PCCA: variants seen among roughly 807,000 people sequenced by gnomAD.
The protein encoded by PCCA is propionyl-CoA carboxylase alpha chain, mitochondrial.
In PCCA, 74 loss-of-function variants were observed where a neutral mutation model predicts 101.3. The ratio of observed to expected loss-of-function variants is 0.73; its 90% CI spans 0.61 to 0.89. PCCA has a LOEUF of 0.89. PCCA is among the 40% of genes least tolerant of loss of function. PCCA has a pLI of 0.00. For synonymous variants in PCCA, 294 were observed against 313.6 expected (o/e 0.94, Z 0.66); for missense variants, 891 against 907.0 (o/e 0.98, Z 0.23).
chr13:100,204,718 T>A (rs775725312), intron 6 of PCCA, among the ~76,000 whole-genome samples: 11 of 152,204 alleles, frequency 7.2e-5, no homozygotes, highest in Non-Finnish European at 1.3e-4. Flanking sequence ...TTAAAATTTG[T>A]CCAGAACCAT....
In PCCA at chr13:100,524,902, A is replaced by G. The variant is rs144014306; in HGVS notation, c.2041-2773A>G. 2.5e-3 allele frequency among the ~76,000 whole-genome samples: 379 copies of G among 152,238 alleles called. 3 individuals are homozygous for G. The highest frequency in any genetic ancestry group is 8.7e-3 in the African/African-American group (360 of 41,522). ...TAGATAGATAGATTAGATAGATTAGATTAGATTACATAAGATAGATAGATA... is the reference window on the plus strand; with the variant it reads ...TAGATAGATAGATTAGATAGATTAGGTTAGATTACATAAGATAGATAGATA... On this transcript the variant is annotated intron_variant, in intron 22 of 23. Coordinates refer to ENST00000376285, the MANE Select transcript of PCCA (RefSeq NM_000282.4).
At chr13:100,230,253 A>G (rs544267407) in intron 7 of PCCA, among the ~76,000 whole-genome samples, 65 of 152,210 alleles carry the variant, frequency 4.3e-4, no homozygotes, top group Admixed American at 1.5e-3. Flanking sequence ...CACTCTAAAG[A>G]AAGTGGCAGG....
At chr13:100,187,463 A>T (rs980915544) in intron 6 of PCCA, among the ~76,000 whole-genome samples, 1 of 152,182 alleles carries the variant, frequency 6.6e-6, no homozygotes, top group African/African-American at 2.4e-5. Flanking sequence ...AAGGTGGGGA[A>T]TAATACATTA....
At chr13:100,281,580 A>C (rs1218971336) in intron 12 of PCCA, among the ~76,000 whole-genome samples, 2 of 152,200 alleles carry the variant, frequency 1.3e-5, no homozygotes, top group Non-Finnish European at 2.9e-5. Flanking sequence ...AGAATTTATA[A>C]TACTTTGTTT....
intron 21 of PCCA, among the ~76,000 whole-genome samples, chr13:100,476,226 T>G (rs1410808228): frequency 1.3e-5 from 2 of 152,184 alleles, no homozygotes; most frequent in Non-Finnish European, 2.9e-5. Context: ...GTTGTAAAAT[T>G]TTGAGATTTA....
At chr13:100,289,341 G>A (rs1185799994) in intron 12 of PCCA, among the ~76,000 whole-genome samples, 1 of 151,932 alleles carries the variant, frequency 6.6e-6, no homozygotes, top group South Asian at 2.1e-4. Flanking sequence ...TATAGATGGG[G>A]TCTCAACATA....
intron 12 of PCCA, among the ~76,000 whole-genome samples, chr13:100,298,529 A>G (rs955686841): frequency 6.6e-6 from 1 of 151,692 alleles, no homozygotes; most frequent in East Asian, 1.9e-4. Flanking sequence ...TTTACCAGAC[A>G]CCAATTTTTG....
At chr13:100,155,731 T>C (rs1323776530) in intron 5 of PCCA, among the ~76,000 whole-genome samples, 1 of 152,248 alleles carries the variant, frequency 6.6e-6, no homozygotes, top group Admixed American at 6.5e-5. Context: ...TGTTAAAAAC[T>C]ATGCAAAGTT....
intron 7 of PCCA, among the ~76,000 whole-genome samples, chr13:100,220,978 C>CA (rs1257759704): frequency 1.3e-5 from 2 of 152,136 alleles, no homozygotes; most frequent in Non-Finnish European, 1.5e-5. Context: ...CTTCCATGGA[C>CA]AAAGCAAGTC....
chr13:100,348,779 TCTTTCTTTCTTCCTTCCTTC>T (rs1425531787), intron 18 of PCCA, among the ~76,000 whole-genome samples: 8,005 of 74,092 alleles, frequency 0.11, 358 homozygotes, highest in Middle Eastern at 0.16. Context: ...TTTCTTTCTT[TCTTTCTTTCTTCCTTCCTTC>T]CTTCCTTCCT....
chr13:100,206,664 A>G (rs1566705765), intron 6 of PCCA, among the ~76,000 whole-genome samples: 1 of 152,282 alleles, frequency 6.6e-6, no homozygotes, highest in East Asian at 1.9e-4. Context: ...GGTTTAGGAC[A>G]TGCTACTCCC....
intron 19 of PCCA, among the ~76,000 whole-genome samples, chr13:100,374,601 A>G (rs1414393937): frequency 6.6e-6 from 1 of 152,202 alleles, no homozygotes; most frequent in African/African-American, 2.4e-5. Flanking sequence ...TTCATATTGA[A>G]TGTGATTCAC....
chr13:100,136,330 C>T (rs868777610), intron 4 of PCCA, among the ~76,000 whole-genome samples: 1 of 151,820 alleles, frequency 6.6e-6, no homozygotes, highest in South Asian at 2.1e-4. Context: ...GGGTTACAGG[C>T]GTGCACCACC....
intron 6 of PCCA, among the ~76,000 whole-genome samples, chr13:100,205,628 GT>G (rs1460011230): frequency 7.0e-6 from 1 of 142,424 alleles, no homozygotes; most frequent in Non-Finnish European, 1.5e-5. Context: ...GTTAATCAGT[GT>G]TCCAGGTCGT....
intron 17 of PCCA, among the ~76,000 whole-genome samples, chr13:100,339,679 G>A (rs1312045896): frequency 1.3e-5 from 2 of 152,170 alleles, no homozygotes; most frequent in East Asian, 1.9e-4. Context: ...ATCACGGCGT[G>A]ATATTCTTTG....
chr13:100,186,742 A>AAAAAAAAAAAAAG (rs1348503386), intron 6 of PCCA, among the ~76,000 whole-genome samples: 1 of 151,396 alleles, frequency 6.6e-6, no homozygotes. Context: ...CCATCTCAAA[A>AAAAAAAAAAAAAG]AAAAAACAAA....
chr13:100,314,847 G>A (rs1475072829), intron 16 of PCCA, among the ~76,000 whole-genome samples: 1 of 152,198 alleles, frequency 6.6e-6, no homozygotes, highest in African/African-American at 2.4e-5. Context: ...TTAGATCCTG[G>A]ACCAGAAGAA....
At chr13:100,425,495 C>T (rs2079079463) in intron 19 of PCCA, 138 bp from the exon 20 acceptor site, 1 of 715,268 alleles carries the variant, frequency 1.4e-6, no homozygotes, top group Admixed American at 2.0e-5. Flanking sequence ...CCCTGTCTTT[C>T]TTGGCTGGAG....
intron 16 of PCCA, among the ~76,000 whole-genome samples, chr13:100,315,222 T>C (rs1311016203): frequency 6.6e-6 from 1 of 152,112 alleles, no homozygotes; most frequent in Admixed American, 6.5e-5. Context: ...ATTTTGAATT[T>C]TGAAATTATT....
Sources: gnomAD v4.1 joint callset for allele counts (sites outside exome capture counted in the v4.1 genomes callset) on GRCh38, gnomAD v4.1.1 for gene constraint, MANE v1.5 for transcripts, NCBI Gene and HGNC (gene_info 2026-07-23, HGNC 2026-07-21) for gene names.